Variants in TTC39B observed in about 807,000 individuals in gnomAD.
The protein encoded by TTC39B is tetratricopeptide repeat domain 39B.
TTC39B carries 92 observed loss-of-function variants against 96.6 expected under a neutral mutation model. That is an observed-to-expected ratio of 0.95 (90% CI 0.80 to 1.13). The LOEUF (loss-of-function observed/expected upper bound fraction) is 1.13. Among genes scored for constraint, TTC39B ranks in the 50% most tolerant of loss-of-function variants. The pLI, the probability that TTC39B is intolerant of heterozygous loss-of-function variation, is 0.00. For missense variants in TTC39B, 955 were observed against 809.3 expected (o/e 1.18, Z -2.18); for synonymous variants, 367 against 299.4 (o/e 1.23, Z -2.33).
At chr9:15,224,655 C>G (rs1821026010) in intron 3 of TTC39B, 1 of 152,128 alleles carries the variant, frequency 6.6e-6, no homozygotes, top group South Asian at 2.1e-4. Flanking sequence ...TTAGAGCTTT[C>G]AAACTCAGCA....
At chr9:15,183,464 CAA>C (rs35283660) in intron 16 of TTC39B, 17,094 of 256,854 alleles carry the variant, frequency 0.067, 2 homozygotes, top group South Asian at 0.13. Flanking sequence ...TTCCTAGGTA[CAA>C]AAAAAAAAAA....
chr9:15,201,272 A>C (rs79957975), intron 7 of TTC39B, among the ~76,000 whole-genome samples: 5 of 152,154 alleles, frequency 3.3e-5, no homozygotes, highest in Non-Finnish European at 7.4e-5. Context: ...AAAAAAAAAA[A>C]ACAAACATAT....
At chr9:15,290,725 C>G (rs1360950409) in intron 1 of TTC39B, among the ~76,000 whole-genome samples, 1 of 152,234 alleles carries the variant, frequency 6.6e-6, no homozygotes, top group Admixed American at 6.5e-5. Context: ...CAAAGCCTCA[C>G]AAGAATGTGA....
intron 1 of TTC39B, among the ~76,000 whole-genome samples, chr9:15,276,363 G>A (rs1563782053): frequency 6.6e-6 from 1 of 152,036 alleles, no homozygotes; most frequent in Non-Finnish European, 1.5e-5. Context: ...TTCCACTCTG[G>A]AGTTATCTTC....
At chr9:15,234,780 T>C (rs1034120998) in intron 2 of TTC39B, among the ~76,000 whole-genome samples, 23 of 151,824 alleles carry the variant, frequency 1.5e-4, no homozygotes, top group African/African-American at 4.6e-4. Context: ...CAGGGTTAAA[T>C]GGATTAAGGG....
At chr9:15,259,525 C>T (rs900676200) in intron 2 of TTC39B, among the ~76,000 whole-genome samples, 1 of 152,152 alleles carries the variant, frequency 6.6e-6, no homozygotes, top group African/African-American at 2.4e-5. Flanking sequence ...CAGCATTATT[C>T]ACAATAGCCA....
At chr9:15,205,644 T>G (rs1400453499) in intron 6 of TTC39B, among the ~76,000 whole-genome samples, 5 of 152,216 alleles carry the variant, frequency 3.3e-5, no homozygotes, top group Non-Finnish European at 7.3e-5. Context: ...TCTAGCTGTG[T>G]TCAGCGGGAT....
At chr9:15,166,191 G>A (rs1202626912) in exon 20 of TTC39B, 1 of 152,150 alleles carries the variant, frequency 6.6e-6, no homozygotes, top group East Asian at 1.9e-4. Flanking sequence ...TTCACATAAT[G>A]AAGTTTGTTA....
chr9:15,228,522 C>T (rs966186750), intron 2 of TTC39B, among the ~76,000 whole-genome samples: 9 of 152,116 alleles, frequency 5.9e-5, no homozygotes, highest in African/African-American at 1.4e-4. Context: ...GGTTCCTATA[C>T]GAGCAAATGG....
intron 1 of TTC39B, among the ~76,000 whole-genome samples, chr9:15,290,228 A>C (rs1004538659): frequency 6.6e-6 from 1 of 152,232 alleles, no homozygotes; most frequent in Admixed American, 6.5e-5. Context: ...CAACTCTGTA[A>C]ATTTACTAAA....
chr9:15,272,492 G>A (rs1473054772), intron 1 of TTC39B, among the ~76,000 whole-genome samples: 3 of 152,104 alleles, frequency 2.0e-5, no homozygotes, highest in Non-Finnish European at 2.9e-5. Context: ...GGAAAACCTC[G>A]GTGTTTAGTT....
At chr9:15,202,754 G>C (rs543954398) in intron 7 of TTC39B, among the ~76,000 whole-genome samples, 3 of 151,218 alleles carry the variant, frequency 2.0e-5, no homozygotes, top group East Asian at 1.9e-4. Flanking sequence ...AAAAGATTGT[G>C]AGTGAGGGAA....
chr9:15,298,016 C>A (rs780272038), intron 1 of TTC39B, among the ~76,000 whole-genome samples: 1 of 152,186 alleles, frequency 6.6e-6, no homozygotes, highest in South Asian at 2.1e-4. Flanking sequence ...GGAAGACCTA[C>A]CCTCACCCAA....
intron 2 of TTC39B, among the ~76,000 whole-genome samples, chr9:15,255,366 A>T (rs1202996134): frequency 6.6e-6 from 1 of 152,060 alleles, no homozygotes; most frequent in Non-Finnish European, 1.5e-5. Context: ...CTCTGGTCGT[A>T]GAATAATGTT....
chr9:15,202,689 G>A (rs918359125), intron 7 of TTC39B, among the ~76,000 whole-genome samples: 11 of 151,192 alleles, frequency 7.3e-5, no homozygotes, highest in Non-Finnish European at 1.2e-4. Context: ...TCCAGCCTGG[G>A]TGACAGAATG....
intron 2 of TTC39B, among the ~76,000 whole-genome samples, chr9:15,240,600 G>A (rs527737752): frequency 1.3e-5 from 2 of 151,842 alleles, no homozygotes; most frequent in South Asian, 4.2e-4. Flanking sequence ...ATTCATGAAG[G>A]GAATATTCAA....
chr9:15,245,383 G>A (rs1822229656), intron 2 of TTC39B, among the ~76,000 whole-genome samples: 1 of 152,116 alleles, frequency 6.6e-6, no homozygotes, highest in Admixed American at 6.5e-5. Context: ...AAACTCTAGA[G>A]TTTTTCTTTA....
At chr9:15,198,757 A>G (rs11793825) in intron 8 of TTC39B, among the ~76,000 whole-genome samples, 20,411 of 151,848 alleles carry the variant, frequency 0.13, 1,595 homozygotes, top group Non-Finnish European at 0.19. Flanking sequence ...CAAACATTCA[A>G]CTGCCCAGCT....
chr9:15,196,529 G>A (rs929491657), intron 8 of TTC39B, among the ~76,000 whole-genome samples: 1 of 152,212 alleles, frequency 6.6e-6, no homozygotes, highest in Non-Finnish European at 1.5e-5. Context: ...AGAGGTGTTA[G>A]AAACAGAAAG....
Sources: allele counts gnomAD v4.1 joint callset (sites outside exome capture counted in the v4.1 genomes callset), GRCh38; gene constraint gnomAD v4.1.1; transcripts MANE v1.5; gene names NCBI Gene and HGNC (gene_info 2026-07-23, HGNC 2026-07-21).